Variants in SLC35F1 observed in about 807,000 individuals in gnomAD.
The protein encoded by SLC35F1 is chromosome 6 open reading frame 169.
A neutral mutation model predicts 48.7 loss-of-function variants in SLC35F1; 14 were observed. That is an observed-to-expected ratio of 0.29 (90% confidence interval 0.19 to 0.45). The LOEUF (loss-of-function observed/expected upper bound fraction) is 0.45. SLC35F1 is among the 20% of genes least tolerant of loss of function. The probability of loss-of-function intolerance (pLI) is 1.00; values close to 1 mark genes in which losing one functional copy is unlikely to be tolerated. For missense variants in SLC35F1, 404 were observed against 500.0 expected, an observed-to-expected ratio of 0.81 and a Z score of 1.83; for synonymous variants, 190 against 202.2, an observed-to-expected ratio of 0.94 and a Z score of 0.51.
chr6:118,291,846 G>A (rs936178272), intron 7 of SLC35F1, among the ~76,000 whole-genome samples: 6 of 152,114 alleles, frequency 3.9e-5, no homozygotes, highest in Admixed American at 2.6e-4. Flanking sequence ...GGCTGGGCAC[G>A]GTGGCACACA....
intron 1 of SLC35F1, among the ~76,000 whole-genome samples, chr6:117,964,099 T>G (rs1261971201): frequency 6.6e-6 from 1 of 152,230 alleles, no homozygotes; most frequent in Admixed American, 6.5e-5. Flanking sequence ...CTTGTGTTAG[T>G]TTGCTGAGGA....
At chr6:118,230,366 AAT>A in intron 2 of SLC35F1, among the ~76,000 whole-genome samples, 1 of 152,122 alleles carries the variant, frequency 6.6e-6, no homozygotes. Flanking sequence ...AAAAACAAGA[AAT>A]ATATGTCTTT....
chr6:118,254,356 A>G (rs1775616551), intron 3 of SLC35F1, among the ~76,000 whole-genome samples: 1 of 152,144 alleles, frequency 6.6e-6, no homozygotes, highest in Admixed American at 6.5e-5. Flanking sequence ...ATCCTAGCTC[A>G]CTGCAGCCTC....
intron 2 of SLC35F1, among the ~76,000 whole-genome samples, chr6:118,213,776 A>G (rs1480111877): frequency 6.6e-6 from 1 of 152,216 alleles, no homozygotes; most frequent in Non-Finnish European, 1.5e-5. Flanking sequence ...GAAACACATT[A>G]TATCTAGATA....
intron 1 of SLC35F1, among the ~76,000 whole-genome samples, chr6:117,935,561 T>C (rs958209966): frequency 2.6e-5 from 4 of 152,208 alleles, no homozygotes; most frequent in African/African-American, 7.2e-5. Flanking sequence ...GCTTATCTAA[T>C]ATATGTATTT....
At chr6:118,166,948 C>T (rs988350345) in intron 2 of SLC35F1, among the ~76,000 whole-genome samples, 2 of 152,138 alleles carry the variant, frequency 1.3e-5, no homozygotes, top group Non-Finnish European at 2.9e-5. Context: ...TAGAACCTTC[C>T]AGAAGGCTCC....
intron 1 of SLC35F1, among the ~76,000 whole-genome samples, chr6:117,947,681 G>C (rs1351930246): frequency 6.6e-6 from 1 of 152,146 alleles, no homozygotes; most frequent in Non-Finnish European, 1.5e-5. Flanking sequence ...AAGTGTTAAA[G>C]GTTTGTCATC....
In SLC35F1 at chr6:118,244,553, TC is replaced by T. The variant is rs368861299; in HGVS notation, c.477+8918del. Among the ~76,000 whole-genome samples the T allele has an allele frequency of 3.3e-4, 51 of 152,392 alleles. No individual in the cohort carries two copies. In the South Asian group the frequency reaches 5.6e-3, roughly 17 times the overall value. On this transcript the variant is annotated intron_variant, in intron 3 of 7. Transcript: ENST00000360388. ...GCCATTGGAAAGCAAGGGACGTATC[TC>T]TCACCCTTTCCTTCAACTACATTCT...
At chr6:117,993,427 A>G (rs1776945545) in intron 1 of SLC35F1, among the ~76,000 whole-genome samples, 2 of 152,208 alleles carry the variant, frequency 1.3e-5, no homozygotes, top group South Asian at 2.1e-4. Flanking sequence ...ATAGTTTCCT[A>G]TTTTCAGTCA....
chr6:118,059,888 G>A (rs7738237), intron 1 of SLC35F1, among the ~76,000 whole-genome samples: 44,934 of 152,160 alleles, frequency 0.3, 7,326 homozygotes, highest in East Asian at 0.47. Context: ...CATTTTTATA[G>A]AGGTAGGAGA....
intron 1 of SLC35F1, among the ~76,000 whole-genome samples, chr6:117,928,718 A>G (rs1044526373): frequency 2.0e-5 from 3 of 152,056 alleles, no homozygotes; most frequent in African/African-American, 7.2e-5. Context: ...CAGTGTGGAC[A>G]TTTTTTGCTT....
At chr6:117,985,693 T>C (rs1776839234) in intron 1 of SLC35F1, among the ~76,000 whole-genome samples, 1 of 152,224 alleles carries the variant, frequency 6.6e-6, no homozygotes, top group Admixed American at 6.5e-5. Flanking sequence ...CCTCTATCCA[T>C]TGACTCATTT....
chr6:117,916,333 ATG>A (rs1775825621), intron 1 of SLC35F1, among the ~76,000 whole-genome samples: 1 of 152,036 alleles, frequency 6.6e-6, no homozygotes, highest in Admixed American at 6.5e-5. Context: ...ATTGTCTTCT[ATG>A]AATTGTTAAA....
chr6:118,152,776 C>T (rs1774081563), intron 1 of SLC35F1, among the ~76,000 whole-genome samples: 1 of 152,210 alleles, frequency 6.6e-6, no homozygotes, highest in South Asian at 2.1e-4. Flanking sequence ...AGACCCCTGC[C>T]TCCCTTTGGC....
chr6:118,206,050 G>A (rs1325797199), intron 2 of SLC35F1, among the ~76,000 whole-genome samples: 1 of 152,050 alleles, frequency 6.6e-6, no homozygotes, highest in Non-Finnish European at 1.5e-5. Context: ...CAGAGTTTTG[G>A]GTACAGATGG....
intron 1 of SLC35F1, among the ~76,000 whole-genome samples, chr6:118,015,052 C>T (rs1277413498): frequency 2.6e-5 from 4 of 152,316 alleles, no homozygotes; most frequent in African/African-American, 4.8e-5. Context: ...CATGACATCT[C>T]ATGGTTTTAT....
intron 2 of SLC35F1, among the ~76,000 whole-genome samples, chr6:118,226,842 A>G (rs528254262): frequency 9.2e-5 from 14 of 152,366 alleles, no homozygotes; most frequent in African/African-American, 3.4e-4. Context: ...AATAGCTAGA[A>G]GAGAACAAAT....
At chr6:118,077,273 G>A (rs1456344324) in intron 1 of SLC35F1, among the ~76,000 whole-genome samples, 1 of 152,200 alleles carries the variant, frequency 6.6e-6, no homozygotes, top group Non-Finnish European at 1.5e-5. Flanking sequence ...GATTGCACAT[G>A]GGCAGAGGCT....
intron 1 of SLC35F1, among the ~76,000 whole-genome samples, chr6:118,045,820 T>G (rs1772291366): frequency 6.6e-6 from 1 of 152,224 alleles, no homozygotes; most frequent in Non-Finnish European, 1.5e-5. Context: ...TCTCACATGC[T>G]TTGGATAATT....
Sources: gnomAD v4.1 joint callset for allele counts (sites outside exome capture counted in the v4.1 genomes callset) on GRCh38, gnomAD v4.1.1 for gene constraint, MANE v1.5 for transcripts, NCBI Gene and HGNC (gene_info 2026-07-23, HGNC 2026-07-21) for gene names.